TP63: variants seen among roughly 807,000 people sequenced by gnomAD.
TP63 encodes the protein tumor protein p63.
Under a neutral mutation model 82.8 loss-of-function variants are expected in TP63, and 17 were observed. The ratio of observed to expected loss-of-function variants is 0.21; its 90% CI spans 0.14 to 0.31. The LOEUF is 0.31. TP63 is among the 10% of genes least tolerant of loss of function. The pLI, the probability that TP63 is intolerant of heterozygous loss-of-function variation, is 1.00. For synonymous variants in TP63, 330 were observed against 321.7 expected, an observed-to-expected ratio of 1.03 and a Z score of -0.28; for missense variants, 648 against 895.3, an observed-to-expected ratio of 0.72 and a Z score of 3.52.
At chr3:189,752,401 G>A (rs938561367) in intron 3 of TP63, among the ~76,000 whole-genome samples, 2 of 151,936 alleles carry the variant, frequency 1.3e-5, no homozygotes, top group African/African-American at 4.8e-5. Flanking sequence ...GACTGGTCTC[G>A]AACTTCTGGG....
At chr3:189,743,762 A>G (rs1577338097) in intron 3 of TP63, among the ~76,000 whole-genome samples, 1 of 152,194 alleles carries the variant, frequency 6.6e-6, no homozygotes, top group South Asian at 2.1e-4. Flanking sequence ...AGTGACAGGA[A>G]GCATCAAAAA....
chr3:189,674,668 C>A (rs970906937), intron 1 of TP63, among the ~76,000 whole-genome samples: 4 of 152,098 alleles, frequency 2.6e-5, no homozygotes, highest in African/African-American at 9.7e-5. Context: ...CCTATCCAGG[C>A]TGCGTGTGTA....
At chr3:189,823,777 TA>T (rs150572168) in intron 4 of TP63, among the ~76,000 whole-genome samples, 13,268 of 152,106 alleles carry the variant, frequency 0.087, 1,776 homozygotes, top group African/African-American at 0.29. Context: ...TTGTGAGGAT[TA>T]AATGAGATGA....
intron 1 of TP63, among the ~76,000 whole-genome samples, chr3:189,714,017 C>T (rs1260921241): frequency 6.6e-6 from 1 of 152,164 alleles, no homozygotes; most frequent in East Asian, 1.9e-4. Context: ...ATCCTTAACA[C>T]ATCTGAAACC....
chr3:189,625,680 C>T, the TP63 span, among the ~76,000 whole-genome samples: 2 of 152,046 alleles, frequency 1.3e-5, no homozygotes, highest in East Asian at 1.9e-4. Context: ...ATATCTGCAA[C>T]TGACAAATGG....
chr3:189,768,218 A>G (rs1040023695), intron 3 of TP63, among the ~76,000 whole-genome samples: 3 of 152,118 alleles, frequency 2.0e-5, no homozygotes, highest in African/African-American at 7.2e-5. Flanking sequence ...GAGATAGTAA[A>G]TATAAAGAGC....
chr3:189,763,811 G>A (rs554815455), intron 3 of TP63, among the ~76,000 whole-genome samples: 6 of 152,294 alleles, frequency 3.9e-5, no homozygotes, highest in Admixed American at 2.6e-4. Context: ...TGTACTAGAC[G>A]TGCAGAACAT....
intron 1 of TP63, among the ~76,000 whole-genome samples, chr3:189,681,262 A>G (rs544298590): frequency 5.3e-5 from 8 of 151,298 alleles, no homozygotes; most frequent in Admixed American, 2.6e-4. Flanking sequence ...GCTCCTGGTA[A>G]TATATTTTCA....
At chr3:189,650,069 A>G (rs1351390687) in intron 1 of TP63, among the ~76,000 whole-genome samples, 1 of 146,716 alleles carries the variant, frequency 6.8e-6, no homozygotes, top group Non-Finnish European at 1.5e-5. Flanking sequence ...ACACATTTCA[A>G]AAGTTGACCA....
intron 1 of TP63, among the ~76,000 whole-genome samples, chr3:189,689,079 G>T (rs1241626113): frequency 7.2e-6 from 1 of 139,184 alleles, no homozygotes; most frequent in Non-Finnish European, 1.5e-5. Flanking sequence ...ATGACAGAGT[G>T]GCCAGCATTC....
intron 10 of TP63, among the ~76,000 whole-genome samples, chr3:189,875,732 A>G (rs771579246): frequency 5.4e-5 from 8 of 149,064 alleles, no homozygotes; most frequent in East Asian, 2.0e-4. Flanking sequence ...ATTTTGTTTG[A>G]TAGGTGTACT....
At chr3:189,881,833 C>T (rs1719944240) in intron 10 of TP63, among the ~76,000 whole-genome samples, 1 of 152,040 alleles carries the variant, frequency 6.6e-6, no homozygotes, top group Non-Finnish European at 1.5e-5. Flanking sequence ...TATGTTAATT[C>T]GCCAAATTTA....
At chr3:189,749,447 C>T (rs902320297) in intron 3 of TP63, among the ~76,000 whole-genome samples, 1 of 152,144 alleles carries the variant, frequency 6.6e-6, no homozygotes, top group Non-Finnish European at 1.5e-5. Context: ...AAAATGTCAG[C>T]ATCACTAATC....
the TP63 span, among the ~76,000 whole-genome samples, chr3:189,614,737 T>C: frequency 2.1e-4 from 32 of 152,324 alleles, no homozygotes; most frequent in African/African-American, 7.2e-4. Context: ...TTTCAAAATA[T>C]AAGATGTGGG....
chr3:189,764,215 A>G (rs1295200201), intron 3 of TP63, among the ~76,000 whole-genome samples: 1 of 152,210 alleles, frequency 6.6e-6, no homozygotes, highest in Non-Finnish European at 1.5e-5. Flanking sequence ...TCCATTCAGA[A>G]TAGACTACAT....
chr3:189,770,829 CATGTAAT>C lies in TP63; in HGVS notation c.324+32060_324+32066del, dbSNP rs761226566. Among the ~76,000 whole-genome samples, 73 of 152,210 alleles carry C rather than the reference CATGTAAT, an allele frequency of 4.8e-4. 3 individuals carry two copies. Among genetic ancestry groups the C allele is most frequent in the African/African-American group, 1.6e-3 (68 of 41,542 alleles). On this transcript the variant is annotated intron_variant, in intron 3 of 13. Coordinates refer to ENST00000264731, the MANE Select transcript of TP63 (RefSeq NM_003722.5). ...TATCAGTCACTTCCACTGTATAAAT[CATGTAAT>C]ATGTCAGAGGTTTTTGTTTGGATGA...
intron 1 of TP63, among the ~76,000 whole-genome samples, chr3:189,644,875 C>A (rs1712258384): frequency 6.6e-6 from 1 of 151,430 alleles, no homozygotes. Context: ...CTTTTTATGG[C>A]TGAGTAGTAT....
chr3:189,689,604 G>A (rs1490901045), intron 1 of TP63, among the ~76,000 whole-genome samples: 2 of 152,056 alleles, frequency 1.3e-5, no homozygotes, highest in Non-Finnish European at 2.9e-5. Context: ...AAAATTGTGT[G>A]CAAATATGTT....
chr3:189,702,684 A>G (rs1717903742), intron 1 of TP63, among the ~76,000 whole-genome samples: 1 of 152,210 alleles, frequency 6.6e-6, no homozygotes, highest in Non-Finnish European at 1.5e-5. Flanking sequence ...ACTGTTTTTA[A>G]AAAGGTAAAT....
Sources: gnomAD v4.1 joint callset for allele counts (sites outside exome capture counted in the v4.1 genomes callset) on GRCh38, gnomAD v4.1.1 for gene constraint, MANE v1.5 for transcripts, NCBI Gene and HGNC (gene_info 2026-07-23, HGNC 2026-07-21) for gene names.